Variants in CALN1 observed in about 807,000 individuals in gnomAD.
CALN1 encodes the protein calneuron 1.
A neutral mutation model predicts 30.6 loss-of-function variants in CALN1; 17 were observed. The ratio of observed to expected loss-of-function variants is 0.56; its 90% CI spans 0.38 to 0.83. CALN1 has a LOEUF of 0.83. CALN1 is among the 40% of genes least tolerant of loss of function. The probability of loss-of-function intolerance (pLI) is 0.00; values close to 1 mark genes in which losing one functional copy is unlikely to be tolerated. For missense variants in CALN1, 291 were observed against 354.9 expected (o/e 0.82, Z 1.45); for synonymous variants, 156 against 131.4 (o/e 1.19, Z -1.28).
intron 3 of CALN1, among the ~76,000 whole-genome samples, chr7:72,253,826 C>T (rs890321941): frequency 1.3e-5 from 2 of 152,236 alleles, no homozygotes; most frequent in East Asian, 1.9e-4. Context: ...CTGCAACCTC[C>T]GCCTCCCAGG....
intron 5 of CALN1, among the ~76,000 whole-genome samples, chr7:71,833,252 T>C (rs1789398221): frequency 6.6e-6 from 1 of 152,202 alleles, no homozygotes; most frequent in Non-Finnish European, 1.5e-5. Context: ...GACATTTTTG[T>C]TCTGTCCATG....
At chr7:72,024,973 T>G (rs567001516) in intron 4 of CALN1, among the ~76,000 whole-genome samples, 4 of 152,172 alleles carry the variant, frequency 2.6e-5, no homozygotes, top group Non-Finnish European at 5.9e-5. Context: ...ACTTTTTTTC[T>G]CTCTCTCCTA....
intron 3 of CALN1, among the ~76,000 whole-genome samples, chr7:72,207,627 TTA>T (rs1176936588): frequency 7.2e-6 from 1 of 138,666 alleles, no homozygotes; most frequent in Non-Finnish European, 1.5e-5. Context: ...GCTTACTTTC[TTA>T]TATGTCTCCC....
At chr7:72,219,703 C>A (rs1468380307) in intron 3 of CALN1, among the ~76,000 whole-genome samples, 3 of 151,684 alleles carry the variant, frequency 2.0e-5, no homozygotes. Context: ...ATGCAATGCA[C>A]ACACACGCAC....
chr7:72,501,453 GA>G, the CALN1 span, among the ~76,000 whole-genome samples: 1 of 135,376 alleles, frequency 7.4e-6, no homozygotes, highest in Non-Finnish European at 1.6e-5. Flanking sequence ...AGAGGAAGAG[GA>G]AAAAGGAGGA....
chr7:71,954,972 GA>G (rs986665809), intron 5 of CALN1, among the ~76,000 whole-genome samples: 22 of 152,212 alleles, frequency 1.4e-4, no homozygotes, highest in African/African-American at 4.6e-4. Flanking sequence ...TTTTTAGGAT[GA>G]GAGTTGTCTA....
At chr7:72,445,219 T>C (rs919467382) in intron 1 of CALN1, among the ~76,000 whole-genome samples, 12 of 152,298 alleles carry the variant, frequency 7.9e-5, no homozygotes, top group Admixed American at 5.9e-4. Context: ...TTCAAGCCTC[T>C]CTTGGCTTCC....
chr7:72,297,190 G>A (rs1275409449), intron 2 of CALN1, among the ~76,000 whole-genome samples: 2 of 151,854 alleles, frequency 1.3e-5, no homozygotes, highest in African/African-American at 2.4e-5. Flanking sequence ...ATGTACCCAA[G>A]GAGCATTCAG....
chr7:71,970,125 A>G (rs1250540481), intron 5 of CALN1, among the ~76,000 whole-genome samples: 3 of 152,312 alleles, frequency 2.0e-5, no homozygotes, highest in African/African-American at 7.2e-5. Context: ...CTAGGATTAC[A>G]GGCATGAGCC....
intron 2 of CALN1, among the ~76,000 whole-genome samples, chr7:72,366,554 T>A (rs1326964301): frequency 6.6e-6 from 1 of 152,010 alleles, no homozygotes; most frequent in Non-Finnish European, 1.5e-5. Context: ...TTTTTAGTGC[T>A]GAATTCTGAG....
chr7:72,292,676 C>G (rs1171770568), intron 2 of CALN1, among the ~76,000 whole-genome samples: 1 of 151,148 alleles, frequency 6.6e-6, no homozygotes, highest in Admixed American at 6.6e-5. Context: ...TAAAAATTAG[C>G]CAGGCATGGT....
At chr7:72,460,094 C>T in the CALN1 span, among the ~76,000 whole-genome samples, 8 of 152,094 alleles carry the variant, frequency 5.3e-5, no homozygotes, top group African/African-American at 1.9e-4. Context: ...AAACCAGACC[C>T]TTTAAACAAC....
intron 3 of CALN1, among the ~76,000 whole-genome samples, chr7:72,223,284 A>G (rs1270971096): frequency 6.6e-6 from 1 of 152,176 alleles, no homozygotes; most frequent in Non-Finnish European, 1.5e-5. Context: ...AAAATCTCCC[A>G]GGAGAATTAA....
intron 2 of CALN1, among the ~76,000 whole-genome samples, chr7:72,364,003 G>A (rs1354636857): frequency 6.6e-6 from 1 of 151,810 alleles, no homozygotes; most frequent in East Asian, 1.9e-4. Flanking sequence ...TCAAAGTGTT[G>A]GGATTACAGG....
In CALN1 at chr7:71,804,954, T is replaced by TA. The variant is rs111597347; in HGVS notation, c.658+5381dup. On this transcript the variant is annotated intron_variant, in intron 6 of 6. Transcript: ENST00000395275. Reference sequence around the variant, plus strand: ...TGGGCAACAAGAGCAAAACTCCATATAAAAAAAATATAAATAAAATAAAAA... The same window carrying TA: ...TGGGCAACAAGAGCAAAACTCCATATAAAAAAAAATATAAATAAAATAAAAA... 7.4e-4 allele frequency among the ~76,000 whole-genome samples: 113 copies of TA among 151,960 alleles called. 1 individual carries two copies. The East Asian group carries it at 0.018, about 24-fold the overall frequency.
chr7:72,103,877 A>G (rs1300705179), intron 4 of CALN1, among the ~76,000 whole-genome samples: 1 of 152,134 alleles, frequency 6.6e-6, no homozygotes, highest in Non-Finnish European at 1.5e-5. Context: ...AGAAGGCTCC[A>G]AAGCTTGCGG....
chr7:71,914,939 A>G (rs937854260), intron 5 of CALN1, among the ~76,000 whole-genome samples: 10 of 152,206 alleles, frequency 6.6e-5, no homozygotes, highest in African/African-American at 2.4e-4. Context: ...AACTTAAACA[A>G]GTTTACAAGA....
intron 6 of CALN1, among the ~76,000 whole-genome samples, chr7:71,793,973 T>C (rs963584405): frequency 6.6e-6 from 1 of 152,160 alleles, no homozygotes; most frequent in African/African-American, 2.4e-5. Context: ...GAATGCGAGC[T>C]CCCTTGTATA....
intron 2 of CALN1, among the ~76,000 whole-genome samples, chr7:72,375,173 T>C (rs2129560528): frequency 6.6e-6 from 1 of 152,288 alleles, no homozygotes; most frequent in Admixed American, 6.5e-5. Context: ...AGGGCAAAAG[T>C]CTTGGTGTGG....
Sources: allele counts gnomAD v4.1 joint callset (sites outside exome capture counted in the v4.1 genomes callset), GRCh38; gene constraint gnomAD v4.1.1; transcripts MANE v1.5; gene names NCBI Gene and HGNC (gene_info 2026-07-23, HGNC 2026-07-21).